The following RAB6A variants were observed in gnomAD, a reference collection of about 807,000 sequenced individuals.
RAB6A encodes the protein RAB6A, member RAS oncogene family.
A neutral mutation model predicts 32.3 loss-of-function variants in RAB6A; 8 were observed. The observed-to-expected ratio is 0.25, with a 90% CI of 0.15 to 0.45. RAB6A has a LOEUF of 0.45. Ranked by LOEUF, RAB6A falls within the 20% of genes least tolerant of loss-of-function variation. The probability of loss-of-function intolerance (pLI) is 1.00; values close to 1 mark genes in which losing one functional copy is unlikely to be tolerated. For synonymous variants in RAB6A, 73 were observed against 82.1 expected (o/e 0.89, Z 0.60); for missense variants, 104 against 249.4 (o/e 0.42, Z 3.93).
At chr11:73,685,208 T>G (rs1356239013) in intron 6 of RAB6A, among the ~76,000 whole-genome samples, 1 of 152,008 alleles carries the variant, frequency 6.6e-6, no homozygotes, top group East Asian at 1.9e-4. Flanking sequence ...ATAGTATACT[T>G]GCCTGATTAG....
chr11:73,688,484 C>T (rs1017358050), intron 6 of RAB6A, among the ~76,000 whole-genome samples: 1 of 152,168 alleles, frequency 6.6e-6, no homozygotes, highest in Non-Finnish European at 1.5e-5. Context: ...GAATTAGTCT[C>T]TGTGTCCATC....
At chr11:73,756,433 C>T (rs1265164433) in intron 1 of RAB6A, among the ~76,000 whole-genome samples, 1 of 151,904 alleles carries the variant, frequency 6.6e-6, no homozygotes, top group African/African-American at 2.4e-5. Context: ...GCAATTTGAT[C>T]AGCATTGATG....
Position 73,712,270 on chromosome 11 carries a change from T to G in RAB6A, c.401+3981A>C, listed in dbSNP as rs1359765006. ...CACTTAACCAGTTACTCCAATCAAT[T>G]TATTACATAGTTCATTTTCCCCAGT... On this transcript the variant is annotated intron_variant, in intron 5 of 7. Transcript: ENST00000336083. Among the ~76,000 whole-genome samples, 4 of 152,212 alleles carry G rather than the reference T, an allele frequency of 2.6e-5. No individual in the cohort carries two copies. In the East Asian group the frequency reaches 7.7e-4, roughly 29 times the overall value.
intron 1 of RAB6A, among the ~76,000 whole-genome samples, chr11:73,734,613 C>A (rs1277599821): frequency 6.6e-6 from 1 of 152,168 alleles, no homozygotes; most frequent in Non-Finnish European, 1.5e-5. Flanking sequence ...GATCATCAGG[C>A]ATTAGATTCT....
At chr11:73,712,512 G>A (rs951571012) in intron 5 of RAB6A, among the ~76,000 whole-genome samples, 18 of 151,946 alleles carry the variant, frequency 1.2e-4, no homozygotes, top group African/African-American at 3.6e-4. Context: ...CACCACGCCC[G>A]GCTAATTTTT....
chr11:73,690,484 C>G (rs1445239743), intron 6 of RAB6A, among the ~76,000 whole-genome samples: 1 of 151,726 alleles, frequency 6.6e-6, no homozygotes, highest in African/African-American at 2.4e-5. Context: ...CTCCTGGGTT[C>G]AAGCAATCCT....
chr11:73,724,220 C>T (rs1946182877), intron 2 of RAB6A, among the ~76,000 whole-genome samples: 1 of 152,174 alleles, frequency 6.6e-6, no homozygotes, highest in Non-Finnish European at 1.5e-5. Context: ...AAAAAGATAT[C>T]CCACTGAACA....
chr11:73,723,318 T>C (rs527399048), intron 2 of RAB6A, among the ~76,000 whole-genome samples: 1 of 151,842 alleles, frequency 6.6e-6, no homozygotes, highest in East Asian at 1.9e-4. Context: ...TTACTTATTT[T>C]ATTTTATTTT....
At chr11:73,678,669 TTTG>T (rs764298492) in intron 7 of RAB6A, among the ~76,000 whole-genome samples, 226 of 151,822 alleles carry the variant, frequency 1.5e-3, no homozygotes, top group African/African-American at 4.2e-3. Flanking sequence ...TAGAACATTT[TTTG>T]TTGTTGTTGT....
intron 1 of RAB6A, among the ~76,000 whole-genome samples, chr11:73,743,618 G>GA (rs1946535613): frequency 1.3e-5 from 2 of 151,398 alleles, no homozygotes; most frequent in Non-Finnish European, 2.9e-5. Context: ...TCCTGTCTCA[G>GA]AAAAAAACCA....
chr11:73,757,094 C>CATACATACATATATATATATATATATAT (rs1219774899), intron 1 of RAB6A, among the ~76,000 whole-genome samples: 1 of 70,060 alleles, frequency 1.4e-5, no homozygotes, highest in African/African-American at 5.7e-5. Flanking sequence ...CTTAAATATA[C>CATACATACATATATATATATATATATAT]ATACATATAT....
At chr11:73,682,460 G>A (rs538779444) in intron 6 of RAB6A, among the ~76,000 whole-genome samples, 8 of 152,244 alleles carry the variant, frequency 5.3e-5, no homozygotes, top group African/African-American at 1.9e-4. Flanking sequence ...TCAGGAGATC[G>A]AGACCATCTT....
intron 6 of RAB6A, among the ~76,000 whole-genome samples, chr11:73,681,342 T>C (rs953453578): frequency 1.2e-4 from 19 of 152,298 alleles, no homozygotes; most frequent in African/African-American, 4.6e-4. Context: ...AAAAATCTTT[T>C]AGGAGGTAAC....
chr11:73,700,569 G>GC (rs1945723957), intron 6 of RAB6A, among the ~76,000 whole-genome samples: 1 of 107,816 alleles, frequency 9.3e-6, no homozygotes, highest in African/African-American at 3.6e-5. Flanking sequence ...GGGTGACAGA[G>GC]CAAGACCCTG....
In RAB6A at chr11:73,718,651, C is replaced by T. The variant is rs1394008095; in HGVS notation, c.251G>A (p.Arg84His). 3 of 1,614,044 alleles carry T rather than the reference C, an allele frequency of 1.9e-6. No individual in the cohort carries two copies. The highest frequency in any genetic ancestry group is 1.1e-5 in the South Asian group (1 of 91,078). The change falls in exon 4 of 8, where the codon CGT becomes CAT. Residue 84 changes from arginine to histidine, a missense_variant. This residue lies in a region of RAB6A where 48 missense variants were observed against 155.2 expected (regional missense o/e 0.31). Coordinates refer to ENST00000336083, the MANE Select transcript of RAB6A (RefSeq NM_198896.2). ...RFRSLIPSYI[R>H]DSTVAVVVYD... ...AACAACAACTGCCACAGTGGAGTCA[C>T]GAATGTAGCTAGGAATCAAGCTCCT...
intron 1 of RAB6A, among the ~76,000 whole-genome samples, chr11:73,731,800 G>A (rs1037100954): frequency 4.1e-5 from 6 of 147,122 alleles, no homozygotes; most frequent in Non-Finnish European, 6.0e-5. Flanking sequence ...GGAGTACAGC[G>A]GGAAGATCTC....
intron 1 of RAB6A, among the ~76,000 whole-genome samples, chr11:73,741,082 AAT>A (rs1160417560): frequency 1.3e-5 from 2 of 152,142 alleles, no homozygotes; most frequent in East Asian, 1.9e-4. Flanking sequence ...AGCATGATGA[AAT>A]AGAGACATCC....
At chr11:73,710,326 G>A (rs565891907) in intron 5 of RAB6A, among the ~76,000 whole-genome samples, 8 of 105,634 alleles carry the variant, frequency 7.6e-5, no homozygotes, top group East Asian at 2.9e-4. Flanking sequence ...TCCATCTCCC[G>A]TGTCCAAAAT....
chr11:73,734,828 G>C (rs1946370279), intron 1 of RAB6A, among the ~76,000 whole-genome samples: 1 of 152,152 alleles, frequency 6.6e-6, no homozygotes. Context: ...CTCAGTAAAA[G>C]TAGGTAGGAA....
Sources: allele counts gnomAD v4.1 joint callset (sites outside exome capture counted in the v4.1 genomes callset), GRCh38; gene constraint gnomAD v4.1.1; regional missense constraint gnomAD v4.1.1; transcripts MANE v1.5; gene names NCBI Gene and HGNC (gene_info 2026-07-23, HGNC 2026-07-21).